Variants in LRRK2 observed in about 807,000 individuals in gnomAD.
The protein encoded by LRRK2 is leucine-rich repeat serine/threonine-protein kinase 2.
A neutral mutation model predicts 302.6 loss-of-function variants in LRRK2; 203 were observed. That is an observed-to-expected ratio of 0.67 (90% CI 0.60 to 0.75). The LOEUF (loss-of-function observed/expected upper bound fraction) is 0.75. Ranked by LOEUF, LRRK2 falls within the 30% of genes least tolerant of loss-of-function variation. LRRK2 has a pLI of 0.00. For missense variants in LRRK2, 2,830 were observed against 2,951.0 expected (o/e 0.96, Z 0.95); for synonymous variants, 1,066 against 1,031.9 (o/e 1.03, Z -0.63).
At chr12:40,273,712 A>T (rs1309388702) in intron 14 of LRRK2, among the ~76,000 whole-genome samples, 1 of 152,188 alleles carries the variant, frequency 6.6e-6, no homozygotes, top group East Asian at 1.9e-4. Flanking sequence ...CCTGAGAAGG[A>T]TGGCACTATA....
intron 13 of LRRK2, among the ~76,000 whole-genome samples, chr12:40,262,212 C>G (rs1332498895): frequency 6.6e-6 from 1 of 152,028 alleles, no homozygotes; most frequent in African/African-American, 2.4e-5. Flanking sequence ...TTACTTATAA[C>G]CAGTAACAGT....
At chr12:40,349,104 C>G (rs772315744) in intron 43 of LRRK2, among the ~76,000 whole-genome samples, 12 of 152,056 alleles carry the variant, frequency 7.9e-5, no homozygotes, top group Non-Finnish European at 1.8e-4. Context: ...ACATTTTTAT[C>G]TGTATCCCAT....
chr12:40,314,059 C>T lies in LRRK2; in HGVS notation c.4624C>T (p.Pro1542Ser), dbSNP rs33958906. The change falls in exon 32 of 51, where the codon CCA (proline) becomes TCA (serine). Residue 1542 changes from proline to serine, a missense_variant. By Grantham distance (74) the Pro-to-Ser change is moderately conservative. Around this residue, in one of 3 missense-constraint regions of LRRK2, gnomAD observed 2,121 missense variants for 2,148.0 expected, o/e 0.99. Coordinates refer to ENST00000298910, the MANE Select transcript of LRRK2 (RefSeq NM_198578.4). ...CATTTTATCGGAGCGTAAAAATGTG[C>T]CAATTGAATTTCCCGTAATTGACCG... ...KIILSERKNV[P>S]IEFPVIDRKR... 50,823 of 1,612,210 alleles carry T rather than the reference C, an allele frequency of 0.032. 1,210 individuals are homozygous for T. The highest frequency in any genetic ancestry group is 0.032 in the Non-Finnish European group (38,099 of 1,178,786).
intron 29 of LRRK2, 71 bp from the exon 30 acceptor site, chr12:40,309,034 AT>A (rs970722927): frequency 7.7e-5 from 108 of 1,409,612 alleles, no homozygotes; most frequent in Middle Eastern, 2.4e-4. Context: ...ATTCTCCCAG[AT>A]TTTTTTTTAA....
rs1469661853 is a variant in LRRK2, at chr12:40,257,273, A to G, written c.1314A>G (p.Ser438=). Residue 438 remains serine (S), a synonymous_variant, in exon 12 of 51, where the codon TCA becomes TCG. Transcript: ENST00000298910. ...TTAATTTCAGAAAAATACTGTTATC[A>G]AAAGGAATACACCTGAATGTTTTGG... ...QNVNFRKILL[S]KGIHLNVLEL... is the part of the protein sequence containing the mutation. 6.3e-7 allele frequency: 1 copy of G among 1,584,234 alleles called. No individual in the cohort carries two copies. The highest frequency in any genetic ancestry group is 8.7e-7 in the Non-Finnish European group (1 of 1,153,262).
At chr12:40,281,959 A>C (rs1263774056) in intron 18 of LRRK2, among the ~76,000 whole-genome samples, 1 of 152,066 alleles carries the variant, frequency 6.6e-6, no homozygotes, top group African/African-American at 2.4e-5. Context: ...GAGAAAAAAA[A>C]GTTACTGGGC....
chr12:40,268,238 G>GT (rs1943102291), intron 14 of LRRK2, among the ~76,000 whole-genome samples: 1 of 152,156 alleles, frequency 6.6e-6, no homozygotes, highest in Admixed American at 6.6e-5. Flanking sequence ...TTTATATGCG[G>GT]TGACACTCCT....
rs1193389130 is a variant in LRRK2 at position 40,277,948 on chromosome 12, C to A, written c.2002C>A (p.His668Asn). Residue 668 changes from histidine to asparagine, a missense_variant, in exon 17 of 51, where the codon CAT (histidine) becomes AAT (asparagine). Around this residue, in one of 3 missense-constraint regions of LRRK2, gnomAD observed 2,121 missense variants for 2,148.0 expected, o/e 0.99. Transcript: ENST00000298910. ...AGCATCTTTTTCTAAGCTGCTGGTG[C>A]ATCATTCATTTGACTTAGTAATATT... Reference protein sequence around the residue: ...LSASFSKLLVHHSFDLVIFHQ... With the variant: ...LSASFSKLLVNHSFDLVIFHQ... 1.9e-6 allele frequency: 3 copies of A among 1,612,786 alleles called. No homozygotes were observed. Among genetic ancestry groups the A allele is most frequent in the Non-Finnish European group, 2.5e-6 (3 of 1,179,718 alleles).
At position 40,243,784 on chromosome 12, in the gene LRRK2, C is replaced by G. The variant is rs145408573; in HGVS notation, c.838+103C>G. On this transcript the variant is annotated intron_variant, in intron 7 of 50. Transcript: ENST00000298910. ...AATGGATAAGTAGCATATTGACATA[C>G]TTTGAATGAAAATATTGTAAAATCC... is the stretch of plus-strand genomic sequence containing the variant. 25 of 1,108,310 alleles carry G rather than the reference C, an allele frequency of 2.3e-5. No individual in the cohort carries two copies. The East Asian group carries it at 5.7e-4, about 25-fold the overall frequency. 68.7% of individuals were successfully genotyped at this position (1,108,310 alleles called of 1,614,324 possible).
chr12:40,257,605 A>G (rs1942577398), intron 12 of LRRK2, among the ~76,000 whole-genome samples: 1 of 152,220 alleles, frequency 6.6e-6, no homozygotes, highest in Admixed American at 6.5e-5. Context: ...TTGCTTTTGA[A>G]CCTGATGCTT....
intron 23 of LRRK2, among the ~76,000 whole-genome samples, chr12:40,297,581 T>A (rs1944430465): frequency 6.6e-6 from 1 of 152,118 alleles, no homozygotes; most frequent in African/African-American, 2.4e-5. Flanking sequence ...GAGTTTCTCG[T>A]GTGGATAAAT....
chr12:40,305,521 G>A (rs548754686), intron 27 of LRRK2, among the ~76,000 whole-genome samples: 1 of 152,244 alleles, frequency 6.6e-6, no homozygotes, highest in Admixed American at 6.5e-5. Flanking sequence ...GATGAAGTAT[G>A]TTACCAAAGG....
At position 40,351,740 on chromosome 12, in the gene LRRK2, C is replaced by T. The variant is rs1256865988; in HGVS notation, c.6576+7C>T. ...TGAAGGATACACTTCTGAGGTAAATCCAAATGCTCTTTAAATCTTTCATAA... is the reference window on the plus strand; with the variant it reads ...TGAAGGATACACTTCTGAGGTAAATTCAAATGCTCTTTAAATCTTTCATAA... On this transcript the variant is annotated splice_region_variant and intron_variant, in intron 44 of 50. Transcript: ENST00000298910. 1.2e-6 allele frequency: 2 copies of T among 1,613,402 alleles called. No homozygotes were observed. The highest frequency in any genetic ancestry group is 1.1e-5 in the South Asian group (1 of 91,002).
At chr12:40,231,269 A>G (rs1055691854) in intron 2 of LRRK2, among the ~76,000 whole-genome samples, 2 of 151,716 alleles carry the variant, frequency 1.3e-5, no homozygotes, top group South Asian at 4.2e-4. Flanking sequence ...AAACCTACTA[A>G]GGGCCAGGTG....
intron 14 of LRRK2, among the ~76,000 whole-genome samples, chr12:40,266,662 A>G (rs193297422): frequency 3.3e-3 from 504 of 152,334 alleles, no homozygotes; most frequent in Non-Finnish European, 5.4e-3. Context: ...GTATATACCC[A>G]AAGGATTATA....
chr12:40,308,967 C>T (rs1592267217), intron 29 of LRRK2, 139 bp from the exon 30 acceptor site: 7 of 1,043,738 alleles, frequency 6.7e-6, no homozygotes, highest in African/African-American at 1.6e-5. Context: ...CAGAATAGTT[C>T]TCTAAACATG....
In LRRK2 at chr12:40,243,603, G is replaced by A. The variant is rs1291674294; in HGVS notation, c.760G>A (p.Val254Met). Residue 254 changes from valine (V) to methionine (M), a missense_variant, in exon 7 of 51, where the codon GTG becomes ATG. Physicochemically the swap from Val to Met is conservative, Grantham distance 21 (BLOSUM62 1). This residue lies in a region of LRRK2 where 2,121 missense variants were observed against 2,148.0 expected (regional missense o/e 0.99). Coordinates refer to ENST00000298910, the MANE Select transcript of LRRK2 (RefSeq NM_198578.4). ...CAATGTCAGGTGTTATAATATTGTG[G>A]TGGAAGCTATGAAAGCATTCCCTAT... ...SGNVRCYNIV[V>M]EAMKAFPMSE... 7 of 1,612,222 alleles carry A rather than the reference G, an allele frequency of 4.3e-6. No homozygotes were observed. Among genetic ancestry groups the A allele is most frequent in the East Asian group, 2.2e-5 (1 of 44,722 alleles).
intron 39 of LRRK2, among the ~76,000 whole-genome samples, chr12:40,332,078 C>T (rs17444145): frequency 0.13 from 19,040 of 152,212 alleles, 1,461 homozygotes; most frequent in East Asian, 0.2. Context: ...AGTGAGTCAT[C>T]TGTGCTTTTC....
At chr12:40,249,735 T>C (rs1942169411) in intron 7 of LRRK2, 91 bp from the exon 8 acceptor site, 1 of 1,401,222 alleles carries the variant, frequency 7.1e-7, no homozygotes, top group African/African-American at 1.4e-5. Flanking sequence ...TTCATCACCA[T>C]TCAAAATTAT....
Sources: gnomAD v4.1 joint callset for allele counts (sites outside exome capture counted in the v4.1 genomes callset) on GRCh38, gnomAD v4.1.1 for gene constraint, gnomAD v4.1.1 regional missense constraint, MANE v1.5 for transcripts, NCBI Gene and HGNC (gene_info 2026-07-23, HGNC 2026-07-21) for gene names.